The following NRG3 variants were observed in gnomAD, a reference collection of about 807,000 sequenced individuals.
NRG3 encodes the protein pro-neuregulin-3, membrane-bound isoform.
In NRG3, 31 loss-of-function variants were observed where a neutral mutation model predicts 66.9. The ratio of observed to expected loss-of-function variants is 0.46; its 90% CI spans 0.35 to 0.63. NRG3 has a LOEUF of 0.63. Among genes scored for constraint, NRG3 ranks in the 20% least tolerant of loss-of-function variants. The pLI, the probability that NRG3 is intolerant of heterozygous loss-of-function variation, is 0.00. For missense variants in NRG3, 910 were observed against 878.9 expected (o/e 1.04, Z -0.45); for synonymous variants, 393 against 359.4 (o/e 1.09, Z -1.06).
intron 1 of NRG3, among the ~76,000 whole-genome samples, chr10:82,041,811 T>C (rs1409945737): frequency 2.6e-4 from 5 of 19,158 alleles, no homozygotes; most frequent in Non-Finnish European, 1.4e-3. Context: ...GGTCTACTGA[T>C]CTCTCTCTCT....
At chr10:82,761,908 TTCTTTCTTTCTTTC>T (rs1200946439) in intron 3 of NRG3, among the ~76,000 whole-genome samples, 2 of 138,772 alleles carry the variant, frequency 1.4e-5, no homozygotes, top group East Asian at 4.2e-4. Flanking sequence ...CCGTTCTTTC[TTCTTTCTTTCTTTC>T]TCTTTCTTTC....
intron 1 of NRG3, among the ~76,000 whole-genome samples, chr10:82,282,713 T>C (rs960725263): frequency 6.6e-6 from 1 of 151,836 alleles, no homozygotes; most frequent in African/African-American, 2.4e-5. Context: ...TCCTCACTGT[T>C]AGGAACGAGG....
intron 2 of NRG3, among the ~76,000 whole-genome samples, chr10:82,516,150 GTGTGTGTGTA>G (rs978510440): frequency 2.0e-5 from 3 of 152,098 alleles, no homozygotes; most frequent in Non-Finnish European, 4.4e-5. Context: ...TTGTGTGTGT[GTGTGTGTGTA>G]TGTGTGTGTA....
At chr10:82,045,008 A>G (rs998481755) in intron 1 of NRG3, among the ~76,000 whole-genome samples, 4 of 151,546 alleles carry the variant, frequency 2.6e-5, no homozygotes, top group Admixed American at 2.0e-4. Context: ...GCTATTGTGA[A>G]TAGTGCCTCA....
At chr10:82,241,963 T>G (rs2077024496) in intron 1 of NRG3, among the ~76,000 whole-genome samples, 1 of 152,170 alleles carries the variant, frequency 6.6e-6, no homozygotes, top group Non-Finnish European at 1.5e-5. Context: ...TTACTTGATG[T>G]AAATTCACAG....
intron 1 of NRG3, among the ~76,000 whole-genome samples, chr10:82,278,182 A>C (rs2078948488): frequency 6.6e-6 from 1 of 152,102 alleles, no homozygotes; most frequent in Non-Finnish European, 1.5e-5. Flanking sequence ...CTCCAAGAAA[A>C]TGAACAGTTA....
At chr10:82,395,522 A>T (rs999813073) in intron 2 of NRG3, among the ~76,000 whole-genome samples, 2 of 152,202 alleles carry the variant, frequency 1.3e-5, no homozygotes, top group Non-Finnish European at 2.9e-5. Context: ...CAGAATAAAT[A>T]ATATGGACTT....
chr10:81,880,352 G>T (rs1004810206), intron 1 of NRG3, among the ~76,000 whole-genome samples: 1 of 151,980 alleles, frequency 6.6e-6, no homozygotes, highest in Non-Finnish European at 1.5e-5. Context: ...GGATTAATTT[G>T]TGAATCCAGC....
intron 2 of NRG3, among the ~76,000 whole-genome samples, chr10:82,611,039 A>G (rs988043601): frequency 4.6e-5 from 7 of 152,124 alleles, no homozygotes; most frequent in African/African-American, 1.7e-4. Context: ...GCTGCTATCT[A>G]GAATGAATAT....
chr10:82,661,037 A>G (rs766882105), intron 2 of NRG3, among the ~76,000 whole-genome samples: 6 of 152,176 alleles, frequency 3.9e-5, no homozygotes, highest in Admixed American at 2.0e-4. Flanking sequence ...TTTTTCCTAA[A>G]TCATGCAGGC....
chr10:82,264,659 A>G (rs1182443881), intron 1 of NRG3, among the ~76,000 whole-genome samples: 1 of 152,192 alleles, frequency 6.6e-6, no homozygotes, highest in East Asian at 1.9e-4. Context: ...AGATTTAACA[A>G]TGTTGCCAAT....
chr10:82,463,395 A>C (rs2091613719), intron 2 of NRG3, among the ~76,000 whole-genome samples: 1 of 152,150 alleles, frequency 6.6e-6, no homozygotes, highest in Admixed American at 6.5e-5. Context: ...GTCTTCTCTC[A>C]ATATATGCCT....
intron 1 of NRG3, among the ~76,000 whole-genome samples, chr10:82,227,505 C>T (rs981258688): frequency 1.3e-4 from 20 of 151,834 alleles, no homozygotes; most frequent in African/African-American, 4.6e-4. Flanking sequence ...ATCTTTTGAC[C>T]TTATATCTAA....
chr10:82,855,279 A>G (rs1471998826), intron 3 of NRG3, among the ~76,000 whole-genome samples: 2 of 152,210 alleles, frequency 1.3e-5, no homozygotes, highest in African/African-American at 4.8e-5. Flanking sequence ...CTGCAAACAC[A>G]TATATAAACA....
At chr10:82,465,522 G>A (rs911620522) in intron 2 of NRG3, among the ~76,000 whole-genome samples, 24 of 152,162 alleles carry the variant, frequency 1.6e-4, no homozygotes, top group African/African-American at 3.4e-4. Flanking sequence ...AAGTCTGTCC[G>A]GCTGTGTACC....
chr10:82,332,634 C>T (rs1378842997), intron 1 of NRG3, among the ~76,000 whole-genome samples: 1 of 152,122 alleles, frequency 6.6e-6, no homozygotes, highest in Non-Finnish European at 1.5e-5. Flanking sequence ...GGTGAAATTC[C>T]TGTTTCGTGA....
At chr10:82,192,140 C>G (rs2074180587) in intron 1 of NRG3, among the ~76,000 whole-genome samples, 1 of 152,150 alleles carries the variant, frequency 6.6e-6, no homozygotes, top group Admixed American at 6.6e-5. Context: ...AAACGCCAGA[C>G]TCCCCCTTCT....
intron 1 of NRG3, among the ~76,000 whole-genome samples, chr10:82,259,120 C>T (rs1192830384): frequency 2.0e-5 from 3 of 152,140 alleles, no homozygotes; most frequent in Admixed American, 2.0e-4. Flanking sequence ...TGAAAGGGAG[C>T]TTTTCAGTCA....
At chr10:82,276,036 T>A (rs1263315190) in intron 1 of NRG3, among the ~76,000 whole-genome samples, 1 of 152,056 alleles carries the variant, frequency 6.6e-6, no homozygotes, top group African/African-American at 2.4e-5. Context: ...TCATACATAC[T>A]GTGCATAGGA....
Sources: allele counts gnomAD v4.1 joint callset (sites outside exome capture counted in the v4.1 genomes callset), GRCh38; gene constraint gnomAD v4.1.1; transcripts MANE v1.5; gene names NCBI Gene and HGNC (gene_info 2026-07-23, HGNC 2026-07-21).